The following ATP6V1H variants were observed in gnomAD, a reference collection of about 807,000 sequenced individuals.
ATP6V1H encodes the protein V-type proton ATPase subunit H.
Under a neutral mutation model 71.7 loss-of-function variants are expected in ATP6V1H, and 39 were observed. The observed-to-expected ratio is 0.54, with a 90% CI of 0.42 to 0.71. The LOEUF is 0.71. Among genes scored for constraint, ATP6V1H ranks in the 30% least tolerant of loss-of-function variants. The probability of loss-of-function intolerance (pLI) is 0.00; values close to 1 mark genes in which losing one functional copy is unlikely to be tolerated. For synonymous variants in ATP6V1H, 192 were observed against 199.3 expected (o/e 0.96, Z 0.31); for missense variants, 509 against 594.9 (o/e 0.86, Z 1.50).
intron 7 of ATP6V1H, among the ~76,000 whole-genome samples, chr8:53,810,040 A>G (rs1810222267): frequency 6.6e-6 from 1 of 152,244 alleles, no homozygotes; most frequent in South Asian, 2.1e-4. Flanking sequence ...GTCTTGGAAC[A>G]TACATACCCG....
chr8:53,790,867 C>T (rs530017119), intron 9 of ATP6V1H, among the ~76,000 whole-genome samples: 1 of 152,188 alleles, frequency 6.6e-6, no homozygotes, highest in East Asian at 1.9e-4. Flanking sequence ...GTCAAGGGGG[C>T]TCCGTATGTG....
rs555174070 is a variant in ATP6V1H, at chr8:53,833,567, C to A, written c.114-481G>T. On this transcript the variant is annotated intron_variant, in intron 2 of 13. Coordinates refer to ENST00000359530, the MANE Select transcript of ATP6V1H (RefSeq NM_015941.4). ...TCCCTCCAGACAGAAAAAAAAAAAACAAAACTGATTTTCCTCCTCTCTGGA... is the reference window on the plus strand; with the variant it reads ...TCCCTCCAGACAGAAAAAAAAAAAAAAAAACTGATTTTCCTCCTCTCTGGA... Among the ~76,000 whole-genome samples, 1,395 of 150,602 alleles carry A rather than the reference C, an allele frequency of 9.3e-3. 19 individuals carry two copies. The highest frequency in any genetic ancestry group is 0.031 in the African/African-American group (1,256 of 40,998).
At position 53,814,799 on chromosome 8, in the gene ATP6V1H, C is replaced by T. The variant is rs752129411; in HGVS notation, c.421-33G>A. 6.2e-6 allele frequency: 9 copies of T among 1,453,816 alleles called. No homozygotes were observed. In the East Asian group the frequency reaches 1.4e-4, roughly 22 times the overall value. 90.1% of individuals were successfully genotyped at this position (1,453,816 alleles called of 1,614,324 possible). On this transcript the variant is annotated intron_variant, in intron 5 of 13. Transcript: ENST00000359530. ...CAAATAAGAGATACATTTAACGCAA[C>T]ATTAATTCTAAAAATCACATCATAT...
chr8:53,751,116 T>TACC (rs147485099), intron 12 of ATP6V1H, among the ~76,000 whole-genome samples: 9,819 of 152,218 alleles, frequency 0.065, 693 homozygotes, highest in East Asian at 0.37. Flanking sequence ...TCTGGGCACT[T>TACC]ACCCACTGCA....
At chr8:53,728,024 G>A (rs1364630205) in intron 13 of ATP6V1H, among the ~76,000 whole-genome samples, 3 of 152,096 alleles carry the variant, frequency 2.0e-5, no homozygotes, top group Non-Finnish European at 2.9e-5. Context: ...TATTACCTAG[G>A]GAACAACTGC....
intron 3 of ATP6V1H, among the ~76,000 whole-genome samples, chr8:53,830,508 T>A (rs928190986): frequency 2.0e-5 from 3 of 152,168 alleles, no homozygotes; most frequent in African/African-American, 7.2e-5. Context: ...TTGGGTTTTT[T>A]AATCAAAACA....
intron 12 of ATP6V1H, among the ~76,000 whole-genome samples, chr8:53,754,875 G>A (rs1031294303): frequency 1.3e-5 from 2 of 152,198 alleles, no homozygotes; most frequent in African/African-American, 4.8e-5. Context: ...GGCGAGACTG[G>A]CCTATTTGTC....
At chr8:53,734,763 C>T (rs528400858) in intron 13 of ATP6V1H, among the ~76,000 whole-genome samples, 19 of 152,266 alleles carry the variant, frequency 1.2e-4, no homozygotes, top group African/African-American at 4.6e-4. Flanking sequence ...AAGCTGCATC[C>T]ACCCGCTACC....
intron 7 of ATP6V1H, among the ~76,000 whole-genome samples, chr8:53,808,375 A>T (rs1359373396): frequency 6.6e-6 from 1 of 152,258 alleles, no homozygotes; most frequent in Non-Finnish European, 1.5e-5. Flanking sequence ...CAACTCAGAC[A>T]GTCTAAAGTA....
At chr8:53,789,784 C>A (rs1283269656) in intron 9 of ATP6V1H, among the ~76,000 whole-genome samples, 1 of 151,978 alleles carries the variant, frequency 6.6e-6, no homozygotes, top group Non-Finnish European at 1.5e-5. Context: ...TAGATATTTT[C>A]ATTTCAAAAA....
At chr8:53,833,141 C>T (rs900446679) in intron 2 of ATP6V1H, 55 bp from the exon 3 acceptor site, 14 of 1,411,358 alleles carry the variant, frequency 9.9e-6, no homozygotes, top group Non-Finnish European at 1.3e-5. Flanking sequence ...TGTAAGCAAG[C>T]GATAGAGGAA....
chr8:53,750,201 T>A (rs1027950540), intron 12 of ATP6V1H, among the ~76,000 whole-genome samples: 8 of 152,182 alleles, frequency 5.3e-5, no homozygotes, highest in Non-Finnish European at 1.0e-4. Flanking sequence ...GGCAATTAAC[T>A]GTCACGTTAT....
At chr8:53,778,126 A>T (rs911776324) in intron 9 of ATP6V1H, among the ~76,000 whole-genome samples, 6 of 152,236 alleles carry the variant, frequency 3.9e-5, no homozygotes, top group African/African-American at 1.4e-4. Context: ...CTCCAAAATC[A>T]CCTCTAAGAA....
chr8:53,828,056 G>A (rs528846304), intron 4 of ATP6V1H, among the ~76,000 whole-genome samples: 4 of 152,242 alleles, frequency 2.6e-5, no homozygotes, highest in Non-Finnish European at 4.4e-5. Flanking sequence ...TGTGAATGGC[G>A]CTGCAACGAA....
chr8:53,803,453 G>A (rs780545255), intron 7 of ATP6V1H, among the ~76,000 whole-genome samples: 1 of 152,162 alleles, frequency 6.6e-6, no homozygotes, highest in East Asian at 1.9e-4. Context: ...AATCACAGGT[G>A]TTATATAAAT....
At chr8:53,835,100 A>G (rs1811116656) in intron 2 of ATP6V1H, among the ~76,000 whole-genome samples, 1 of 152,154 alleles carries the variant, frequency 6.6e-6, no homozygotes, top group South Asian at 2.1e-4. Context: ...GTGGGCTGAA[A>G]TTGTGTCACT....
At chr8:53,802,516 C>T (rs866827779) in intron 7 of ATP6V1H, among the ~76,000 whole-genome samples, 4 of 152,074 alleles carry the variant, frequency 2.6e-5, no homozygotes, top group East Asian at 3.9e-4. Context: ...CTCAGGAGCT[C>T]GAGGCTAGCC....
At chr8:53,741,742 G>GT (rs1807420161) in intron 13 of ATP6V1H, among the ~76,000 whole-genome samples, 1 of 152,174 alleles carries the variant, frequency 6.6e-6, no homozygotes, top group South Asian at 2.1e-4. Flanking sequence ...CCATTCTGGG[G>GT]TTTTCACCTT....
chr8:53,781,650 C>A (rs1462271120), intron 9 of ATP6V1H, among the ~76,000 whole-genome samples: 1 of 152,058 alleles, frequency 6.6e-6, no homozygotes, highest in African/African-American at 2.4e-5. Context: ...CCTAGGTTTT[C>A]TTCTAGGGTT....
Sources: gnomAD v4.1 joint callset for allele counts (sites outside exome capture counted in the v4.1 genomes callset) on GRCh38, gnomAD v4.1.1 for gene constraint, MANE v1.5 for transcripts, NCBI Gene and HGNC (gene_info 2026-07-23, HGNC 2026-07-21) for gene names.